The following FOXP2 variants were observed in gnomAD, a reference collection of about 807,000 sequenced individuals.
FOXP2 encodes the protein forkhead box protein P2.
In FOXP2, 12 loss-of-function variants were observed where a neutral mutation model predicts 115.8. That is an observed-to-expected ratio of 0.10 (90% CI 0.07 to 0.17). The LOEUF (loss-of-function observed/expected upper bound fraction) is 0.17, where lower values mean the gene tolerates loss of function less well. Among genes scored for constraint, FOXP2 ranks in the 10% least tolerant of loss-of-function variants. FOXP2 has a pLI of 1.00. For missense variants in FOXP2, 629 were observed against 843.5 expected, an observed-to-expected ratio of 0.75 and a Z score of 3.15; for synonymous variants, 328 against 297.7, an observed-to-expected ratio of 1.10 and a Z score of -1.05.
intron 2 of FOXP2, among the ~76,000 whole-genome samples, chr7:114,301,869 GTATAAATTTTCTGTGGCTTTC>G (rs1387505174): frequency 6.6e-6 from 1 of 152,024 alleles, no homozygotes; most frequent in East Asian, 1.9e-4. Flanking sequence ...CTTGGCATTT[GTATAAATTTTCTGTGGCTTTC>G]TGCCATACTT....
chr7:114,263,312 C>G (rs1176193397), intron 1 of FOXP2, among the ~76,000 whole-genome samples: 1 of 151,498 alleles, frequency 6.6e-6, no homozygotes, highest in Non-Finnish European at 1.5e-5. Context: ...AAACACTCCT[C>G]TATTATAGAT....
chr7:114,112,295 A>G (rs1205588066), intron 1 of FOXP2, among the ~76,000 whole-genome samples: 1 of 151,894 alleles, frequency 6.6e-6, no homozygotes, highest in African/African-American at 2.4e-5. Context: ...TGGTTTCTGC[A>G]CTTTTTTTTT....
At chr7:114,635,883 G>T (rs1563050004) in intron 6 of FOXP2, among the ~76,000 whole-genome samples, 1 of 152,100 alleles carries the variant, frequency 6.6e-6, no homozygotes, top group Non-Finnish European at 1.5e-5. Flanking sequence ...CTTTTGAAAT[G>T]CAACCTATAA....
At chr7:114,276,055 G>C (rs1041984448) in intron 1 of FOXP2, among the ~76,000 whole-genome samples, 4 of 152,152 alleles carry the variant, frequency 2.6e-5, no homozygotes, top group Admixed American at 2.0e-4. Flanking sequence ...ATTAGTTTTT[G>C]ATAATGTGAT....
At chr7:114,113,679 A>T (rs1006135643) in intron 1 of FOXP2, among the ~76,000 whole-genome samples, 1 of 151,796 alleles carries the variant, frequency 6.6e-6, no homozygotes, top group Non-Finnish European at 1.5e-5. Context: ...ATTTATTATT[A>T]TTTTTTTATA....
intron 2 of FOXP2, among the ~76,000 whole-genome samples, chr7:114,531,802 T>A (rs1229092571): frequency 6.6e-6 from 1 of 152,046 alleles, no homozygotes; most frequent in Admixed American, 6.6e-5. Context: ...TTACTATTAT[T>A]ACTCCTTTAC....
intron 7 of FOXP2, 79 bp downstream of exon 7, chr7:114,642,702 T>C: frequency 7.5e-7 from 1 of 1,326,640 alleles, no homozygotes; most frequent in Admixed American, 1.7e-5. Context: ...AAAAGAACAA[T>C]TTGTACTTGG....
At chr7:114,455,397 C>A (rs1795272478) in intron 2 of FOXP2, among the ~76,000 whole-genome samples, 1 of 152,154 alleles carries the variant, frequency 6.6e-6, no homozygotes, top group African/African-American at 2.4e-5. Flanking sequence ...CAAAGACAAC[C>A]TTATTGCCTC....
chr7:114,132,576 TGTGTGTGAGAGAGAGA>T (rs1791915156), intron 1 of FOXP2, among the ~76,000 whole-genome samples: 1 of 67,202 alleles, frequency 1.5e-5, no homozygotes, highest in Non-Finnish European at 2.9e-5. Flanking sequence ...TGTGTGTGTG[TGTGTGTGAGAGAGAGA>T]GAGAGAGAGA....
At chr7:114,399,060 G>C (rs1792811417) in intron 2 of FOXP2, among the ~76,000 whole-genome samples, 2 of 150,912 alleles carry the variant, frequency 1.3e-5, no homozygotes, top group South Asian at 4.2e-4. Flanking sequence ...CAGTTGCTCA[G>C]CTTGACTTTC....
At chr7:114,246,788 A>C (rs1472785709) in intron 1 of FOXP2, among the ~76,000 whole-genome samples, 2 of 152,132 alleles carry the variant, frequency 1.3e-5, no homozygotes. Flanking sequence ...TTGTTGAGTC[A>C]ATTGTCTTTA....
In FOXP2 at chr7:114,534,617, G is replaced by A. The variant is rs748073993; in HGVS notation, c.169G>A (p.Ala57Thr). The A allele has an allele frequency of 1.2e-6, 2 of 1,611,176 alleles. No individual in the cohort carries two copies. Among genetic ancestry groups the A allele is most frequent in the Non-Finnish European group, 8.5e-7 (1 of 1,177,948 alleles). Reference sequence around the variant, plus strand: ...GATAAGGTTTCATTTTTACTTCTAGGCTCTCCAGGCAGCAAGACAACTTCT... The same window carrying A: ...GATAAGGTTTCATTTTTACTTCTAGACTCTCCAGGCAGCAAGACAACTTCT... The part of the protein sequence containing the change: ...VELLHLQQQQ[A>T]LQAARQLLLQ... The change falls in exon 3 of 17, where the codon GCT becomes ACT. Residue 57 changes from alanine (A) to threonine (T), a missense_variant and splice_region_variant. Physicochemically the swap from Ala to Thr is moderately conservative, Grantham distance 58. Transcript: ENST00000350908.
chr7:114,441,847 A>T (rs1794620703), intron 2 of FOXP2, among the ~76,000 whole-genome samples: 1 of 152,226 alleles, frequency 6.6e-6, no homozygotes, highest in Admixed American at 6.5e-5. Flanking sequence ...CAGTAAAAAA[A>T]GACAGGCAAT....
chr7:114,242,248 T>C (rs911605553), intron 1 of FOXP2, among the ~76,000 whole-genome samples: 2 of 151,990 alleles, frequency 1.3e-5, no homozygotes, highest in Non-Finnish European at 2.9e-5. Context: ...ATATGAAAGA[T>C]GTTTAAATCT....
At chr7:114,315,663 G>A (rs1797260227) in intron 2 of FOXP2, among the ~76,000 whole-genome samples, 1 of 151,430 alleles carries the variant, frequency 6.6e-6, no homozygotes, top group Admixed American at 6.6e-5. Context: ...GTAAATTCTT[G>A]TTACTTGCCG....
intron 8 of FOXP2, 50 bp downstream of exon 8, chr7:114,644,839 G>T (rs1487313281): frequency 1.6e-6 from 2 of 1,289,408 alleles, no homozygotes; most frequent in Admixed American, 3.5e-5. Context: ...GATTATATGG[G>T]CATTTTAGGC....
chr7:114,385,782 C>T (rs1185092942), intron 2 of FOXP2, among the ~76,000 whole-genome samples: 1 of 152,156 alleles, frequency 6.6e-6, no homozygotes, highest in Non-Finnish European at 1.5e-5. Flanking sequence ...CAAAATGTTA[C>T]CGGAGGTCCT....
chr7:114,337,635 G>T (rs1797886471), intron 2 of FOXP2, among the ~76,000 whole-genome samples: 1 of 151,074 alleles, frequency 6.6e-6, no homozygotes, highest in Non-Finnish European at 1.5e-5. Context: ...TGGGGTAAAT[G>T]GTTTACTTGG....
chr7:114,261,477 G>T (rs959517741), intron 1 of FOXP2, among the ~76,000 whole-genome samples: 9 of 152,062 alleles, frequency 5.9e-5, no homozygotes, highest in African/African-American at 2.2e-4. Context: ...TTAAAAGTAC[G>T]AGGATTTTAA....
Sources: gnomAD v4.1 joint callset for allele counts (sites outside exome capture counted in the v4.1 genomes callset) on GRCh38, gnomAD v4.1.1 for gene constraint, MANE v1.5 for transcripts, NCBI Gene and HGNC (gene_info 2026-07-23, HGNC 2026-07-21) for gene names.